Variants in HK1 observed in about 807,000 individuals in gnomAD.
HK1 encodes the protein hexokinase 1.
Under a neutral mutation model 91.6 loss-of-function variants are expected in HK1, and 28 were observed. The ratio of observed to expected loss-of-function variants is 0.31; its 90% CI spans 0.23 to 0.42. The LOEUF is 0.42. Ranked by LOEUF, HK1 falls within the 10% of genes least tolerant of loss-of-function variation. HK1 has a pLI of 1.00. For missense variants in HK1, 770 were observed against 1,219.8 expected (o/e 0.63, Z 5.49); for synonymous variants, 430 against 468.1 (o/e 0.92, Z 1.05).
At chr10:69,287,978 A>C (rs1845111288) in intron 2 of HK1, among the ~76,000 whole-genome samples, 1 of 149,890 alleles carries the variant, frequency 6.7e-6, no homozygotes, top group Non-Finnish European at 1.5e-5. Flanking sequence ...GTGTCTACAA[A>C]AAAAAAAAAA....
At chr10:69,393,872 C>T (rs573001844) in intron 15 of HK1, among the ~76,000 whole-genome samples, 1 of 152,250 alleles carries the variant, frequency 6.6e-6, no homozygotes, top group African/African-American at 2.4e-5. Flanking sequence ...GGGTTGAGAC[C>T]CTGTCTCTAC....
intron 1 of HK1, among the ~76,000 whole-genome samples, chr10:69,278,044 AAG>A (rs1491255216): frequency 1.3e-5 from 2 of 152,050 alleles, no homozygotes; most frequent in South Asian, 4.2e-4. Context: ...AAAAAAAAAA[AAG>A]GTTTGTTTTA....
intron 4 of HK1, chr10:69,300,377 T>A (rs1181531770): frequency 3.8e-6 from 2 of 529,288 alleles, no homozygotes; most frequent in African/African-American, 3.9e-5. Flanking sequence ...TGTAATTTTG[T>A]TTTTTGCTTT....
chr10:69,347,306 CG>C (rs1177201635), intron 2 of HK1, among the ~76,000 whole-genome samples: 1 of 151,930 alleles, frequency 6.6e-6, no homozygotes, highest in Non-Finnish European at 1.5e-5. Flanking sequence ...CTACTGCGCC[CG>C]GCCACACATT....
At position 69,366,554 on chromosome 10, in the gene HK1, G is replaced by A. The variant is rs552089156; in HGVS notation, c.495+1652G>A. Among the ~76,000 whole-genome samples the A allele has an allele frequency of 3.2e-3, 484 of 152,086 alleles. 1 individual carries two copies. Among genetic ancestry groups the A allele is most frequent in the African/African-American group, 0.011 (452 of 41,472 alleles). ...GGCAGGCCTTGGACCAGGGTCCCAG[G>A]CCCCACCTCCCATCCAGTGCTCCAC... is the stretch of plus-strand genomic sequence containing the variant. On this transcript the variant is annotated intron_variant, in intron 4 of 17. Transcript: ENST00000359426.
At chr10:69,376,011 G>A (rs370854791) in intron 7 of HK1, among the ~76,000 whole-genome samples, 46 of 152,290 alleles carry the variant, frequency 3.0e-4, no homozygotes, top group African/African-American at 1.0e-3. Context: ...TAACATCAGT[G>A]GGGGAGGAGT....
At position 69,338,599 on chromosome 10, in the gene HK1, A is replaced by G. The variant is rs748879266; in HGVS notation, c.64-5228A>G. The G allele has an allele frequency of 1.1e-5, 14 of 1,289,318 alleles. No homozygotes were observed. In the South Asian group the frequency reaches 1.7e-4, roughly 16 times the overall value. 79.9% of individuals were successfully genotyped at this position (1,289,318 alleles called of 1,614,324 possible). ...GAGTGTGGGGAGGGATTCTTCGGGC[A>G]CTGATGTTTGGCTGGAGCAGTAAAG... On this transcript the variant is annotated intron_variant, in intron 1 of 17. Coordinates refer to ENST00000359426, the MANE Select transcript of HK1 (RefSeq NM_000188.3).
At chr10:69,363,432 GC>G (rs1849539675) in intron 3 of HK1, among the ~76,000 whole-genome samples, 1 of 152,330 alleles carries the variant, frequency 6.6e-6, no homozygotes, top group African/African-American at 2.4e-5. Context: ...AGGCTGGAGT[GC>G]AGTGGTATGA....
exon 2 of HK1, chr10:69,282,579 A>C (rs564920148): frequency 7.2e-5 from 11 of 152,320 alleles, no homozygotes; most frequent in African/African-American, 2.6e-4. Flanking sequence ...TGTTCCTGAG[A>C]AGGAAAAGAG....
chr10:69,335,038 G>T (rs982545277), intron 1 of HK1, among the ~76,000 whole-genome samples: 4 of 152,140 alleles, frequency 2.6e-5, no homozygotes, highest in African/African-American at 9.7e-5. Context: ...CCACCATCAG[G>T]GTGCTGGGGG....
Position 69,386,376 on chromosome 10 carries a change from C to T in HK1, c.1893C>T (p.His631=), listed in dbSNP as rs555712237. The T allele has an allele frequency of 3.2e-5, 52 of 1,613,812 alleles. No homozygotes were observed. The highest frequency in any genetic ancestry group is 3.1e-4 in the South Asian group (28 of 91,076). ...TTAAGGCAACAGACTGCGTGGGCCA[C>T]GATGTAGTCACCTTACTAAGGGATG... The part of the protein sequence containing the change: ...KGFKATDCVG[H]DVVTLLRDAI... Residue 631 remains histidine (H), a synonymous_variant, in exon 13 of 18, where the codon CAC becomes CAT. Coordinates refer to ENST00000359426, the MANE Select transcript of HK1 (RefSeq NM_000188.3).
At chr10:69,315,986 G>T (rs781267453), upstream of HK1, 8 of 1,614,220 alleles carry the variant, frequency 5.0e-6, no homozygotes, top group Non-Finnish European at 6.8e-6. Context: ...AGTTTGCCCT[G>T]TCGAGGTGCT....
chr10:69,384,868 C>T lies in HK1; in HGVS notation c.1792C>T (p.Leu598=). 2 of 1,614,214 alleles carry T rather than the reference C, an allele frequency of 1.2e-6. No homozygotes were observed. The highest frequency in any genetic ancestry group is 4.5e-5 in the East Asian group (2 of 44,882). ...YMGIKGPRMP[L]GFTFSFPCQQ... is the part of the protein sequence containing the mutation. ...GGGGATCAAAGGCCCCAGGATGCCT[C>T]TGGGCTTCACGTTCTCATTTCCCTG... Residue 598 remains leucine (L), a synonymous_variant, in exon 12 of 18, where the codon CTG becomes TTG. Coordinates refer to ENST00000359426, the MANE Select transcript of HK1 (RefSeq NM_000188.3).
At chr10:69,370,385 G>T (rs774022298) in intron 7 of HK1, among the ~76,000 whole-genome samples, 31 of 152,100 alleles carry the variant, frequency 2.0e-4, no homozygotes, top group Middle Eastern at 3.4e-3. Context: ...AAATATGAAT[G>T]GTTCAAAAAT....
rs139623197 is a variant in HK1, at chr10:69,392,962, C to T, written c.2219+654C>T. On this transcript the variant is annotated intron_variant, in intron 15 of 17. Transcript: ENST00000359426. The stretch of plus-strand genomic sequence containing the variant: ...CTGTTATTTACTTAGTGCTTTTCTT[C>T]GAATCAGCTTACAGTTTTTTGTTTT... Among the ~76,000 whole-genome samples the T allele has an allele frequency of 5.9e-3, 896 of 152,280 alleles. 6 individuals are homozygous for T. Among genetic ancestry groups the T allele is most frequent in the African/African-American group, 0.02 (841 of 41,554 alleles).
At chr10:69,280,304 A>G (rs111501870) in intron 1 of HK1, among the ~76,000 whole-genome samples, 3 of 152,050 alleles carry the variant, frequency 2.0e-5, no homozygotes, top group African/African-American at 7.2e-5. Context: ...TTTTTAGTAG[A>G]GACAGGGTTT....
rs1848414343 is a variant in HK1 at position 69,343,818 on chromosome 10, C to T, written c.64-9C>T. 1 of 1,609,910 alleles carries T rather than the reference C, an allele frequency of 6.2e-7. No homozygotes were observed. The highest frequency in any genetic ancestry group is 1.7e-4 in the Middle Eastern group (1 of 5,986). On this transcript the variant is annotated splice_polypyrimidine_tract_variant and intron_variant, in intron 1 of 17. Coordinates refer to ENST00000359426, the MANE Select transcript of HK1 (RefSeq NM_000188.3). ...GACCTCACTCTCCTTCCTTCTCATC[C>T]CCCTCCAGATTGACAAGTATCTCTA...
chr10:69,281,413 G>C (rs1844741268), intron 1 of HK1, among the ~76,000 whole-genome samples: 1 of 152,192 alleles, frequency 6.6e-6, no homozygotes, highest in Admixed American at 6.5e-5. Flanking sequence ...AGGGTGTGCT[G>C]TCCTCTTCCT....
At chr10:69,360,825 G>T (rs1049410401) in intron 3 of HK1, among the ~76,000 whole-genome samples, 1 of 152,200 alleles carries the variant, frequency 6.6e-6, no homozygotes, top group Admixed American at 6.5e-5. Context: ...CCCTAAGCCC[G>T]TCGTGGGGCA....
Sources: allele counts gnomAD v4.1 joint callset (sites outside exome capture counted in the v4.1 genomes callset), GRCh38; gene constraint gnomAD v4.1.1; transcripts MANE v1.5; gene names NCBI Gene and HGNC (gene_info 2026-07-23, HGNC 2026-07-21).